ST6GALNAC5: variants seen among roughly 807,000 people sequenced by gnomAD.
The protein encoded by ST6GALNAC5 is alpha-N-acetylgalactosaminide alpha-2,6-sialyltransferase 5.
In ST6GALNAC5, 27 loss-of-function variants were observed where a neutral mutation model predicts 33.6. The observed-to-expected ratio is 0.80, with a 90% CI of 0.59 to 1.11. ST6GALNAC5 has a LOEUF of 1.11. ST6GALNAC5 is among the 50% of genes least tolerant of loss of function. The probability of loss-of-function intolerance (pLI) is 0.00; values close to 1 mark genes in which losing one functional copy is unlikely to be tolerated. For synonymous variants in ST6GALNAC5, 194 were observed against 171.2 expected (o/e 1.13, Z -1.04); for missense variants, 428 against 454.0 (o/e 0.94, Z 0.52).
intron 4 of ST6GALNAC5, among the ~76,000 whole-genome samples, chr1:77,061,800 A>G (rs892894537): frequency 5.9e-5 from 9 of 152,168 alleles, no homozygotes; most frequent in Non-Finnish European, 8.8e-5. Context: ...CCACATGTTA[A>G]TCCTATGCAC....
Position 77,044,618 on chromosome 1 carries a change from A to C in ST6GALNAC5, c.671+5A>C. On this transcript the variant is annotated splice_donor_5th_base_variant and intron_variant, in intron 3 of 4. Transcript: ENST00000477717. ...GCAGGAGACTGGCAAAGACAGGTACAAAGGCACAGGGAAGAAGATGCAGGG... is the reference window on the plus strand; with the variant it reads ...GCAGGAGACTGGCAAAGACAGGTACCAAGGCACAGGGAAGAAGATGCAGGG... The C allele has an allele frequency of 6.5e-7, 1 of 1,538,420 alleles. No individual in the cohort carries two copies. Among genetic ancestry groups the C allele is most frequent in the Non-Finnish European group, 8.8e-7 (1 of 1,139,366 alleles).
intron 2 of ST6GALNAC5, among the ~76,000 whole-genome samples, chr1:76,945,835 A>G (rs1266010335): frequency 1.3e-5 from 2 of 152,132 alleles, no homozygotes; most frequent in East Asian, 3.9e-4. Flanking sequence ...GCTGTGATAT[A>G]AGAATAATTT....
chr1:77,028,449 A>G (rs1443648545), intron 2 of ST6GALNAC5, among the ~76,000 whole-genome samples: 1 of 152,272 alleles, frequency 6.6e-6, no homozygotes, highest in Non-Finnish European at 1.5e-5. Context: ...TAGTCCTTCA[A>G]GTGACACATG....
At chr1:76,955,676 C>T (rs866000067) in intron 2 of ST6GALNAC5, among the ~76,000 whole-genome samples, 1 of 152,114 alleles carries the variant, frequency 6.6e-6, no homozygotes, top group East Asian at 1.9e-4. Flanking sequence ...TAATGAAGTC[C>T]ATAAATCCAC....
chr1:76,946,804 T>C (rs1315070722), intron 2 of ST6GALNAC5, among the ~76,000 whole-genome samples: 1 of 152,166 alleles, frequency 6.6e-6, no homozygotes, highest in African/African-American at 2.4e-5. Context: ...CACACACAGA[T>C]TTTTATACAT....
intron 2 of ST6GALNAC5, among the ~76,000 whole-genome samples, chr1:76,907,427 C>T (rs1290576553): frequency 6.6e-6 from 1 of 152,060 alleles, no homozygotes; most frequent in African/African-American, 2.4e-5. Context: ...ATAGTGCAAC[C>T]CAACTCATAA....
intron 2 of ST6GALNAC5, among the ~76,000 whole-genome samples, chr1:76,958,670 T>C (rs1648106192): frequency 6.6e-6 from 1 of 152,158 alleles, no homozygotes; most frequent in African/African-American, 2.4e-5. Flanking sequence ...GGGGTGGTAG[T>C]GTGCTGTCTC....
Position 77,066,228 on chromosome 1 carries a change from C to T in ST6GALNAC5, c.*3022C>T, listed in dbSNP as rs1287009171. Among the ~76,000 whole-genome samples, 2 of 151,798 alleles carry T rather than the reference C, an allele frequency of 1.3e-5. No individual in the cohort carries two copies. Among genetic ancestry groups the T allele is most frequent in the Non-Finnish European group, 2.9e-5 (2 of 67,966 alleles). On this transcript the variant is annotated 3_prime_UTR_variant, in exon 5 of 5. Coordinates refer to ENST00000477717, the MANE Select transcript of ST6GALNAC5 (RefSeq NM_030965.3). ...TGAGCAATTCAGAGACTTCTGAGGT[C>T]ATCAGATTTCAGAGTAAGATCTTTT...
intron 2 of ST6GALNAC5, among the ~76,000 whole-genome samples, chr1:77,028,764 T>G (rs1200811262): frequency 6.6e-6 from 1 of 152,166 alleles, no homozygotes; most frequent in African/African-American, 2.4e-5. Flanking sequence ...TTACCATTAT[T>G]TTATAGGTGA....
intron 2 of ST6GALNAC5, among the ~76,000 whole-genome samples, chr1:76,938,509 CCATTA>C (rs1557729973): frequency 2.6e-5 from 4 of 152,050 alleles, no homozygotes. Context: ...GAGCTTATTT[CCATTA>C]CATAATTCAC....
chr1:76,916,731 G>A (rs1296380009), intron 2 of ST6GALNAC5, among the ~76,000 whole-genome samples: 1 of 151,972 alleles, frequency 6.6e-6, no homozygotes, highest in African/African-American at 2.4e-5. Context: ...TACCAATATA[G>A]AATATGAGAT....
chr1:76,907,577 T>C (rs930059729), intron 2 of ST6GALNAC5, among the ~76,000 whole-genome samples: 1 of 152,194 alleles, frequency 6.6e-6, no homozygotes, highest in Non-Finnish European at 1.5e-5. Flanking sequence ...CACTACACTC[T>C]GGGAAGCCCC....
chr1:77,005,196 C>G (rs1038309395), intron 2 of ST6GALNAC5, among the ~76,000 whole-genome samples: 2 of 152,206 alleles, frequency 1.3e-5, no homozygotes, highest in African/African-American at 4.8e-5. Flanking sequence ...TCTGGTGGTG[C>G]GCCATTTTTT....
At chr1:77,005,104 T>G (rs1014212065) in intron 2 of ST6GALNAC5, among the ~76,000 whole-genome samples, 32 of 152,128 alleles carry the variant, frequency 2.1e-4, no homozygotes, top group Non-Finnish European at 4.6e-4. Context: ...GCTGCCACCT[T>G]GCAGTTTGAT....
At chr1:77,035,127 C>T (rs774004531) in intron 2 of ST6GALNAC5, among the ~76,000 whole-genome samples, 2 of 152,094 alleles carry the variant, frequency 1.3e-5, no homozygotes, top group Non-Finnish European at 2.9e-5. Flanking sequence ...TAGGGCAGTG[C>T]CTGAATATTC....
At chr1:76,905,332 T>C (rs915645444) in intron 2 of ST6GALNAC5, among the ~76,000 whole-genome samples, 4 of 152,174 alleles carry the variant, frequency 2.6e-5, no homozygotes, top group Admixed American at 6.5e-5. Context: ...TTCATTCTTA[T>C]TGTCTTGGAA....
chr1:76,904,527 A>C (rs1295257757), intron 2 of ST6GALNAC5, among the ~76,000 whole-genome samples: 2 of 152,206 alleles, frequency 1.3e-5, no homozygotes, highest in African/African-American at 4.8e-5. Flanking sequence ...CCTAATATTG[A>C]ATGAAAAGAG....
intron 2 of ST6GALNAC5, among the ~76,000 whole-genome samples, chr1:76,937,644 A>G (rs150167896): frequency 6.6e-6 from 1 of 152,154 alleles, no homozygotes; most frequent in East Asian, 1.9e-4. Context: ...AGCTGCTGTT[A>G]CTTGTTGGAG....
chr1:76,951,845 T>C (rs1647761637), intron 2 of ST6GALNAC5, among the ~76,000 whole-genome samples: 1 of 152,144 alleles, frequency 6.6e-6, no homozygotes, highest in African/African-American at 2.4e-5. Context: ...ATAGCTAACC[T>C]ATGGGTGCAA....
Sources: gnomAD v4.1 joint callset for allele counts (sites outside exome capture counted in the v4.1 genomes callset) on GRCh38, gnomAD v4.1.1 for gene constraint, MANE v1.5 for transcripts, NCBI Gene and HGNC (gene_info 2026-07-23, HGNC 2026-07-21) for gene names.